SFMBT1: variants seen among roughly 807,000 people sequenced by gnomAD.
SFMBT1 encodes scm-like with four MBT domains protein 1.
A neutral mutation model predicts 108.7 loss-of-function variants in SFMBT1; 32 were observed. The ratio of observed to expected loss-of-function variants is 0.29; its 90% CI spans 0.22 to 0.40. The LOEUF (loss-of-function observed/expected upper bound fraction) is 0.40. SFMBT1 is among the 10% of genes least tolerant of loss of function. The probability of loss-of-function intolerance (pLI) is 1.00; values close to 1 mark genes in which losing one functional copy is unlikely to be tolerated. For synonymous variants in SFMBT1, 348 were observed against 369.5 expected, an observed-to-expected ratio of 0.94 and a Z score of 0.67; for missense variants, 816 against 1,059.6, an observed-to-expected ratio of 0.77 and a Z score of 3.19.
intron 4 of SFMBT1, among the ~76,000 whole-genome samples, chr3:52,940,214 C>A (rs1032815396): frequency 6.6e-6 from 1 of 152,208 alleles, no homozygotes; most frequent in African/African-American, 2.4e-5. Context: ...AAGTAAAAAA[C>A]CTTCACAAAG....
chr3:52,972,839 T>TG (rs1553639750), intron 1 of SFMBT1, among the ~76,000 whole-genome samples: 2 of 51,702 alleles, frequency 3.9e-5, no homozygotes, highest in Non-Finnish European at 7.2e-5. Flanking sequence ...CCATCTCTAC[T>TG]AAACACACAC....
At chr3:52,945,711 G>C (rs991352602) in intron 3 of SFMBT1, among the ~76,000 whole-genome samples, 1 of 151,582 alleles carries the variant, frequency 6.6e-6, no homozygotes, top group Non-Finnish European at 1.5e-5. Flanking sequence ...GGAGACAAAG[G>C]CAGGAGAATG....
chr3:52,999,905 C>A (rs1490699032), intron 1 of SFMBT1, among the ~76,000 whole-genome samples: 1 of 150,158 alleles, frequency 6.7e-6, no homozygotes, highest in African/African-American at 2.4e-5. Context: ...GTCGCCCAGG[C>A]TGGAATGCAG....
chr3:53,043,688 G>A (rs888487174), intron 1 of SFMBT1, among the ~76,000 whole-genome samples: 1 of 152,252 alleles, frequency 6.6e-6, no homozygotes, highest in Admixed American at 6.5e-5. Flanking sequence ...ACTACCAATC[G>A]TAACCTGCAA....
chr3:52,910,855 C>T, intron 17 of SFMBT1, 148 bp downstream of exon 17: 1 of 655,214 alleles, frequency 1.5e-6, no homozygotes, highest in East Asian at 2.8e-5. Flanking sequence ...AGCATATGAC[C>T]CACAACATGA....
At chr3:52,923,929 G>C (rs1313634548) in intron 10 of SFMBT1, among the ~76,000 whole-genome samples, 1 of 152,056 alleles carries the variant, frequency 6.6e-6, no homozygotes, top group Non-Finnish European at 1.5e-5. Context: ...TCGCATCAAG[G>C]TTCATCACTG....
At chr3:52,978,700 GAAACA>G (rs1030986358) in intron 1 of SFMBT1, among the ~76,000 whole-genome samples, 3 of 152,002 alleles carry the variant, frequency 2.0e-5, no homozygotes, top group Non-Finnish European at 4.4e-5. Flanking sequence ...TCAAAAAATA[GAAACA>G]AATCAAATGT....
At chr3:53,019,774 A>G (rs1435625352) in intron 1 of SFMBT1, among the ~76,000 whole-genome samples, 4 of 152,208 alleles carry the variant, frequency 2.6e-5, no homozygotes, top group African/African-American at 9.6e-5. Flanking sequence ...CATAGAGCAT[A>G]CAGGCATTTT....
chr3:52,992,999 C>A (rs1242669616), intron 1 of SFMBT1, among the ~76,000 whole-genome samples: 1 of 152,078 alleles, frequency 6.6e-6, no homozygotes, highest in East Asian at 1.9e-4. Context: ...TCTCAGCACT[C>A]ATTATTTATC....
chr3:52,912,237 G>A (rs928282707), intron 16 of SFMBT1, among the ~76,000 whole-genome samples: 1 of 151,952 alleles, frequency 6.6e-6, no homozygotes, highest in African/African-American at 2.4e-5. Context: ...CTACAATGTA[G>A]TGGCACGATC....
At position 52,927,606 on chromosome 3, in the gene SFMBT1, C is replaced by T. The variant is rs377404102; in HGVS notation, c.1048+585G>A. ...AAAAATTTCAGTCAAGCTCAACTAA[C>T]CCATTAATTAAGGGCCTTGATTAAA... On this transcript the variant is annotated intron_variant, in intron 9 of 20. Transcript: ENST00000394752. Among the ~76,000 whole-genome samples the T allele has an allele frequency of 1.4e-4, 21 of 152,280 alleles. No homozygotes were observed. In the East Asian group the frequency reaches 3.3e-3, roughly 24 times the overall value.
At chr3:52,923,205 T>C (rs945009046) in intron 10 of SFMBT1, among the ~76,000 whole-genome samples, 1 of 151,810 alleles carries the variant, frequency 6.6e-6, no homozygotes, top group African/African-American at 2.4e-5. Flanking sequence ...TCCCAAAAGG[T>C]GTGTGTGTGG....
chr3:52,980,098 A>G (rs1191019424), intron 1 of SFMBT1, among the ~76,000 whole-genome samples: 3 of 152,188 alleles, frequency 2.0e-5, no homozygotes, highest in African/African-American at 7.2e-5. Flanking sequence ...ATCATTTACC[A>G]CTTTTATATA....
At chr3:53,014,738 G>C (rs1185297055) in intron 1 of SFMBT1, among the ~76,000 whole-genome samples, 3 of 152,106 alleles carry the variant, frequency 2.0e-5, no homozygotes, top group Non-Finnish European at 1.5e-5. Flanking sequence ...AGGCTCTCTT[G>C]GGACTAGACT....
At chr3:53,006,610 C>A (rs889870280) in intron 1 of SFMBT1, among the ~76,000 whole-genome samples, 3 of 134,718 alleles carry the variant, frequency 2.2e-5, no homozygotes, top group African/African-American at 3.6e-5. Context: ...GCCTGGGCGA[C>A]AGAGCAAAAC....
chr3:52,987,916 G>GA (rs770106171), intron 1 of SFMBT1, among the ~76,000 whole-genome samples: 53 of 152,246 alleles, frequency 3.5e-4, no homozygotes, highest in Non-Finnish European at 6.9e-4. Flanking sequence ...TTCTTTAATG[G>GA]AATGGAATAA....
intron 1 of SFMBT1, chr3:53,043,074 A>G (rs889741603): frequency 1.3e-5 from 2 of 152,258 alleles, no homozygotes; most frequent in Non-Finnish European, 2.9e-5. Flanking sequence ...TATCACACAG[A>G]TATCTTTGCA....
In SFMBT1 at chr3:52,983,662, G is replaced by A. The variant is rs183905284; in HGVS notation, c.-130-14404C>T. ...ATGAGGAAGTGAGCCATGTGGGTAC[G>A]TGCGGAAGAATATTCAAGGCAGAAA... On this transcript the variant is annotated intron_variant, in intron 1 of 20. Transcript: ENST00000394752. Among the ~76,000 whole-genome samples, 706 of 152,288 alleles carry A rather than the reference G, an allele frequency of 4.6e-3. 7 individuals carry two copies. The highest frequency in any genetic ancestry group is 8.0e-3 in the Non-Finnish European group (542 of 68,016).
chr3:53,000,068 T>TA (rs1053778864), intron 1 of SFMBT1, among the ~76,000 whole-genome samples: 2 of 149,988 alleles, frequency 1.3e-5, no homozygotes, highest in Admixed American at 1.3e-4. Context: ...TTCACCGTGT[T>TA]AGCCAGGATG....
Sources: gnomAD v4.1 joint callset for allele counts (sites outside exome capture counted in the v4.1 genomes callset) on GRCh38, gnomAD v4.1.1 for gene constraint, MANE v1.5 for transcripts, NCBI Gene and HGNC (gene_info 2026-07-23, HGNC 2026-07-21) for gene names.